The following WDR35 variants were observed in gnomAD, a reference collection of about 807,000 sequenced individuals.
The protein encoded by WDR35 is WD repeat-containing protein 35.
In WDR35, 118 loss-of-function variants were observed where a neutral mutation model predicts 158.3. The observed-to-expected ratio is 0.75, with a 90% CI of 0.64 to 0.87. The LOEUF (loss-of-function observed/expected upper bound fraction) is 0.87. WDR35 is among the 40% of genes least tolerant of loss of function. The probability of loss-of-function intolerance (pLI) is 0.00; values close to 1 mark genes in which losing one functional copy is unlikely to be tolerated. For synonymous variants in WDR35, 448 were observed against 476.1 expected (o/e 0.94, Z 0.77); for missense variants, 1,263 against 1,405.8 (o/e 0.90, Z 1.62).
At chr2:19,924,298 C>T (rs1333140484) in intron 25 of WDR35, among the ~76,000 whole-genome samples, 1 of 152,170 alleles carries the variant, frequency 6.6e-6, no homozygotes, top group African/African-American at 2.4e-5. Context: ...GGTGCAGTGG[C>T]TCATGCCTGT....
intron 19 of WDR35, 135 bp downstream of exon 19, chr2:19,937,606 AGG>A: frequency 8.8e-7 from 1 of 1,137,758 alleles, no homozygotes; most frequent in Non-Finnish European, 1.3e-6. Context: ...TAGAATATCT[AGG>A]TTGTAATCCA....
chr2:19,942,147 C>T (rs2103411059), intron 16 of WDR35, among the ~76,000 whole-genome samples: 1 of 152,276 alleles, frequency 6.6e-6, no homozygotes, highest in East Asian at 1.9e-4. Flanking sequence ...TATGATCACA[C>T]CTTACATAAT....
At position 19,937,872 on chromosome 2, in the gene WDR35, T is replaced by C. The variant is rs757153957; in HGVS notation, c.2138A>G (p.Asp713Gly). Residue 713 changes from aspartate to glycine, a missense_variant, in exon 19 of 27, where the codon GAT becomes GGT. Coordinates refer to ENST00000281405, the MANE Select transcript of WDR35 (RefSeq NM_020779.4). ...TAEQAFVRCK[D>G]YQGIKFVKRL... ...CTTCACAAACTTAATGCCTTGGTAA[T>C]CTTTGCAGCGCACAAATGCTTGCTC... The C allele has an allele frequency of 7.4e-6, 12 of 1,614,148 alleles. No homozygotes were observed. Among genetic ancestry groups the C allele is most frequent in the Admixed American group, 1.7e-5 (1 of 60,004 alleles).
chr2:19,968,825 A>G (rs1671939330), intron 9 of WDR35, among the ~76,000 whole-genome samples: 1 of 152,216 alleles, frequency 6.6e-6, no homozygotes, highest in South Asian at 2.1e-4. Context: ...AATACTGATT[A>G]TATGTTATGT....
Position 19,948,189 on chromosome 2 carries a change from G to A in WDR35, c.1499C>T (p.Thr500Ile), listed in dbSNP as rs1208970084. 6.2e-7 allele frequency: 1 copy of A among 1,609,890 alleles called. No individual in the cohort carries two copies. The highest frequency in any genetic ancestry group is 1.7e-5 in the Admixed American group (1 of 59,878). Residue 500 changes from threonine (T) to isoleucine (I), a missense_variant, in exon 14 of 27, where the codon ACT becomes ATT. Physicochemically the swap from Thr to Ile is moderately conservative, Grantham distance 89. Coordinates refer to ENST00000281405, the MANE Select transcript of WDR35 (RefSeq NM_020779.4). ...QGTRDPICAI[T>I]ASDKILIVGR... Reference sequence around the variant, plus strand: ...CACAATCAATATCTTATCTGATGCAGTTATGGCACAAATTGGATCCCTTGT... The same window carrying A: ...CACAATCAATATCTTATCTGATGCAATTATGGCACAAATTGGATCCCTTGT...
chr2:19,978,722 C>G, intron 5 of WDR35, 29 bp downstream of exon 5: 1 of 1,613,244 alleles, frequency 6.2e-7, no homozygotes, highest in Middle Eastern at 1.7e-4. Flanking sequence ...AGATATTGAT[C>G]TTAGTTCTAT....
chr2:19,914,161 G>A lies in WDR35; in HGVS notation c.3238C>T (p.Leu1080Phe). The A allele has an allele frequency of 3.7e-6, 6 of 1,614,168 alleles. No homozygotes were observed. Among genetic ancestry groups the A allele is most frequent in the Non-Finnish European group, 5.1e-6 (6 of 1,180,006 alleles). ...FGTCSKAFIK[L>F]KSLETLSSEQ... ...GAACTGAGGGTCTCTAAAGATTTAA[G>A]TTTAATGAAAGCTTTTGAACAAGTC... Residue 1080 changes from leucine to phenylalanine, a missense_variant, in exon 26 of 27, where the codon CTT becomes TTT. Physicochemically the swap from Leu to Phe is conservative, Grantham distance 22. Coordinates refer to ENST00000281405, the MANE Select transcript of WDR35 (RefSeq NM_020779.4).
At chr2:19,933,718 G>A (rs1670598895) in intron 21 of WDR35, among the ~76,000 whole-genome samples, 1 of 152,128 alleles carries the variant, frequency 6.6e-6, no homozygotes, top group Non-Finnish European at 1.5e-5. Flanking sequence ...ACTGGCTCAG[G>A]CTGTGGATCT....
intron 25 of WDR35, among the ~76,000 whole-genome samples, chr2:19,920,076 G>A (rs995170090): frequency 2.0e-5 from 3 of 152,152 alleles, no homozygotes; most frequent in East Asian, 1.9e-4. Flanking sequence ...TTCTGAAATT[G>A]AGCAGCAATT....
chr2:19,921,732 T>C (rs951207916), intron 25 of WDR35, among the ~76,000 whole-genome samples: 1 of 152,080 alleles, frequency 6.6e-6, no homozygotes, highest in African/African-American at 2.4e-5. Flanking sequence ...AAAAATGGGA[T>C]CTGATTAAAC....
chr2:19,975,758 CACA>C (rs1672189417), intron 5 of WDR35, 95 bp from the exon 6 acceptor site: 2 of 1,519,122 alleles, frequency 1.3e-6, no homozygotes, highest in Non-Finnish European at 1.8e-6. Context: ...ACAAATTCTT[CACA>C]GCATTCATGC....
At chr2:19,937,645 C>T (rs1670739823) in intron 19 of WDR35, 98 bp downstream of exon 19, 5 of 1,476,656 alleles carry the variant, frequency 3.4e-6, no homozygotes, top group Non-Finnish European at 4.7e-6. Flanking sequence ...CTAAAAGGAA[C>T]CATATGATAC....
chr2:19,921,413 A>G, intron 25 of WDR35, among the ~76,000 whole-genome samples: 1 of 152,210 alleles, frequency 6.6e-6, no homozygotes, highest in Non-Finnish European at 1.5e-5. Context: ...GAGGCCTCAG[A>G]AACAACGCCA....
rs544260992 is a variant in WDR35 at position 19,934,717 on chromosome 2, C to G, written c.2547+754G>C. ...AAGTAATTTCAGTTTCTTTCCTACTCAAGAAAACCCATAGGATTGAAAATA... is the reference window on the plus strand; with the variant it reads ...AAGTAATTTCAGTTTCTTTCCTACTGAAGAAAACCCATAGGATTGAAAATA... On this transcript the variant is annotated intron_variant, in intron 21 of 26. Coordinates refer to ENST00000281405, the MANE Select transcript of WDR35 (RefSeq NM_020779.4). The surrounding 1 kb of genome is among the most constrained non-coding windows in gnomAD (Gnocchi z 4.6). Among the ~76,000 whole-genome samples the G allele has an allele frequency of 1.3e-5, 2 of 152,210 alleles. No homozygotes were observed. The highest frequency in any genetic ancestry group is 4.8e-5 in the African/African-American group (2 of 41,534).
intron 25 of WDR35, among the ~76,000 whole-genome samples, chr2:19,920,075 T>A (rs1166195784): frequency 6.6e-6 from 1 of 152,256 alleles, no homozygotes; most frequent in East Asian, 1.9e-4. Context: ...GTTCTGAAAT[T>A]GAGCAGCAAT....
chr2:19,921,177 T>C (rs1383261210), intron 25 of WDR35, among the ~76,000 whole-genome samples: 1 of 152,176 alleles, frequency 6.6e-6, no homozygotes, highest in East Asian at 1.9e-4. Flanking sequence ...ATAGATTCAA[T>C]GCTATCCCAA....
chr2:19,978,643 T>A (rs1572365346), intron 5 of WDR35, 108 bp downstream of exon 5: 2 of 1,496,434 alleles, frequency 1.3e-6, no homozygotes, highest in East Asian at 4.5e-5. Flanking sequence ...CCCTTTTATG[T>A]CTATTTTTCA....
intron 25 of WDR35, among the ~76,000 whole-genome samples, chr2:19,923,864 C>T (rs186826023): frequency 6.6e-6 from 1 of 152,224 alleles, no homozygotes; most frequent in African/African-American, 2.4e-5. Flanking sequence ...CAGTATGGAC[C>T]AGGTTCTCAT....
chr2:19,958,722 G>C (rs946888425), intron 11 of WDR35, among the ~76,000 whole-genome samples: 2 of 152,136 alleles, frequency 1.3e-5, no homozygotes, highest in Non-Finnish European at 2.9e-5. Flanking sequence ...AAAGTCTAGT[G>C]GGGAAGATAG....
Sources: gnomAD v4.1 joint callset for allele counts (sites outside exome capture counted in the v4.1 genomes callset) on GRCh38, gnomAD v4.1.1 for gene constraint, Gnocchi (gnomAD v3.1) non-coding constraint, MANE v1.5 for transcripts, NCBI Gene and HGNC (gene_info 2026-07-23, HGNC 2026-07-21) for gene names.